The following GTF2A1L variants were observed in gnomAD, a reference collection of about 807,000 sequenced individuals.
The protein encoded by GTF2A1L is TFIIA-alpha and beta-like factor.
GTF2A1L carries 48 observed loss-of-function variants against 49.7 expected under a neutral mutation model. That is an observed-to-expected ratio of 0.97 (90% CI 0.77 to 1.23). The LOEUF is 1.23. Ranked by LOEUF, GTF2A1L falls within the 50% of genes most tolerant of loss-of-function variation. The probability of loss-of-function intolerance (pLI) is 0.00; values close to 1 mark genes in which losing one functional copy is unlikely to be tolerated. For synonymous variants in GTF2A1L, 246 were observed against 193.5 expected (o/e 1.27, Z -2.25); for missense variants, 736 against 564.8 (o/e 1.30, Z -3.07).
Position 48,620,731 on chromosome 2 carries a change from C to T in GTF2A1L, c.22-120C>T, listed in dbSNP as rs193287817. ...CGTGGAAATTGCAGTGAACTGAGTT[C>T]GTGCCACCGCACTCCAGCCTGGGCA... is the stretch of plus-strand genomic sequence containing the variant. On this transcript the variant is annotated intron_variant, in intron 1 of 8. Coordinates refer to ENST00000403751, the MANE Select transcript of GTF2A1L (RefSeq NM_006872.5). 752 of 526,564 alleles carry T rather than the reference C, an allele frequency of 1.4e-3. 3 individuals are homozygous for T. In the South Asian group the frequency reaches 0.019, roughly 14 times the overall value. 32.6% of individuals were successfully genotyped at this position (526,564 alleles called of 1,614,324 possible).
At chr2:48,662,358 A>G (rs547587342) in intron 6 of GTF2A1L, among the ~76,000 whole-genome samples, 1 of 152,304 alleles carries the variant, frequency 6.6e-6, no homozygotes, top group East Asian at 1.9e-4. Context: ...ATAATTTTAC[A>G]TTTTGTGTAG....
At position 48,671,632 on chromosome 2, in the gene GTF2A1L, G is replaced by C; in HGVS notation, c.1281G>C (p.Val427=). 6.2e-7 allele frequency: 1 copy of C among 1,613,636 alleles called. No individual in the cohort carries two copies. The highest frequency in any genetic ancestry group is 1.3e-5 in the African/African-American group (1 of 75,048). The part of the protein sequence containing the change: ...NSGDDVSEQD[V]PDLFDTDNVI... ...GAGATGATGTTAGTGAACAGGATGT[G>C]CCAGACCTGTTTGACACGGATAATG... is the stretch of plus-strand genomic sequence containing the variant. Residue 427 remains valine (V), a synonymous_variant, in exon 8 of 9, where the codon GTG becomes GTC. Transcript: ENST00000403751.
At position 48,679,375 on chromosome 2, in the gene GTF2A1L, A is replaced by T; in HGVS notation, c.1370A>T (p.Asp457Val). ...AACAAATGGAAATTCTATTTGAAAG[A>T]TGGTGTTATGTGTTTTGGAGGGAGA... ...SKNKWKFYLK[D>V]GVMCFGGRDY... Residue 457 changes from aspartate to valine, a missense_variant, in exon 9 of 9, where the codon GAT becomes GTT. Coordinates refer to ENST00000403751, the MANE Select transcript of GTF2A1L (RefSeq NM_006872.5). 6.2e-7 allele frequency: 1 copy of T among 1,611,864 alleles called. No individual in the cohort carries two copies. The highest frequency in any genetic ancestry group is 8.5e-7 in the Non-Finnish European group (1 of 1,178,920).
chr2:48,626,123 A>G (rs551101875), intron 3 of GTF2A1L, among the ~76,000 whole-genome samples: 3 of 144,078 alleles, frequency 2.1e-5, no homozygotes, highest in Non-Finnish European at 4.7e-5. Flanking sequence ...TTTATTGAAG[A>G]AACTATCCTT....
At position 48,669,765 on chromosome 2, in the gene GTF2A1L, A is replaced by G; in HGVS notation, c.1022A>G (p.Asp341Gly). 1.2e-6 allele frequency: 2 copies of G among 1,613,834 alleles called. No individual in the cohort carries two copies. The highest frequency in any genetic ancestry group is 1.7e-6 in the Non-Finnish European group (2 of 1,179,894). The change falls in exon 7 of 9, where the codon GAT becomes GGT. Residue 341 changes from aspartate (D) to glycine (G), a missense_variant. Transcript: ENST00000403751. ...QVDLSIRVTD[D>G]DIGEIIQVDG... Reference sequence around the variant, plus strand: ...GATTTAAGCATTCGGGTTACTGATGATGATATTGGTGAAATAATTCAAGTA... The same window carrying G: ...GATTTAAGCATTCGGGTTACTGATGGTGATATTGGTGAAATAATTCAAGTA...
chr2:48,641,188 T>G (rs1677178731), intron 3 of GTF2A1L, among the ~76,000 whole-genome samples: 1 of 152,208 alleles, frequency 6.6e-6, no homozygotes, highest in Admixed American at 6.5e-5. Flanking sequence ...GCTTAAGCTT[T>G]GCTCACTTCA....
At chr2:48,678,188 A>G (rs1026922748) in intron 8 of GTF2A1L, among the ~76,000 whole-genome samples, 1 of 151,982 alleles carries the variant, frequency 6.6e-6, no homozygotes, top group East Asian at 1.9e-4. Flanking sequence ...TCTAGAAAAA[A>G]TATAGTCACT....
intron 3 of GTF2A1L, among the ~76,000 whole-genome samples, chr2:48,628,819 G>A (rs1466902500): frequency 6.9e-6 from 1 of 143,896 alleles, no homozygotes; most frequent in Non-Finnish European, 1.6e-5. Flanking sequence ...TGTTTCCTAG[G>A]TTTTCTTCTA....
At chr2:48,621,006 A>G (rs1273857170) in intron 2 of GTF2A1L, 54 bp downstream of exon 2, 16 of 1,564,146 alleles carry the variant, frequency 1.0e-5, no homozygotes, top group Admixed American at 3.7e-5. Flanking sequence ...TTTTCAGCAT[A>G]CAAAACTGAT....
At chr2:48,628,029 A>T (rs1572700446) in intron 3 of GTF2A1L, among the ~76,000 whole-genome samples, 1 of 144,196 alleles carries the variant, frequency 6.9e-6, no homozygotes, top group East Asian at 1.9e-4. Context: ...CTCCAGCAGC[A>T]TTCGTGTTGC....
chr2:48,622,644 A>C (rs977483019), intron 3 of GTF2A1L, among the ~76,000 whole-genome samples: 1 of 152,114 alleles, frequency 6.6e-6, no homozygotes, highest in African/African-American at 2.4e-5. Flanking sequence ...AACATGGCGA[A>C]ACCCTGTCTC....
chr2:48,639,445 G>A (rs1253489756), intron 3 of GTF2A1L, among the ~76,000 whole-genome samples: 1 of 152,128 alleles, frequency 6.6e-6, no homozygotes, highest in African/African-American at 2.4e-5. Context: ...GTAAGCAATG[G>A]TGAAAGCACT....
At chr2:48,644,732 G>C (rs1007734366) in intron 4 of GTF2A1L, among the ~76,000 whole-genome samples, 3 of 152,138 alleles carry the variant, frequency 2.0e-5, no homozygotes, top group African/African-American at 7.2e-5. Context: ...TTGCAGGTCT[G>C]AGAACCAATG....
intron 3 of GTF2A1L, among the ~76,000 whole-genome samples, chr2:48,634,853 C>T (rs1676796200): frequency 6.6e-6 from 1 of 152,226 alleles, no homozygotes; most frequent in Non-Finnish European, 1.5e-5. Flanking sequence ...TGACCTTTGA[C>T]AGTCTGGGAG....
At chr2:48,670,474 G>C (rs540127885) in intron 7 of GTF2A1L, among the ~76,000 whole-genome samples, 22 of 152,264 alleles carry the variant, frequency 1.4e-4, no homozygotes, top group Admixed American at 1.4e-3. Context: ...ATGGGCTTCT[G>C]TATTGGTCTT....
chr2:48,670,873 G>C (rs951352553), intron 7 of GTF2A1L, among the ~76,000 whole-genome samples: 2 of 152,090 alleles, frequency 1.3e-5, no homozygotes, highest in Non-Finnish European at 2.9e-5. Flanking sequence ...GCCCAGGCTG[G>C]AGTGCAGTGG....
chr2:48,646,617 G>GA lies in GTF2A1L; in HGVS notation c.558dup (p.Ser187IlefsTer5). The stretch of plus-strand genomic sequence containing the variant: ...TCCATGGTCTCTTCAAGCAACTACT[G>GA]AAAAATCACAGAGAATTGAAACCGT... On this transcript the variant is annotated frameshift_variant, in exon 6 of 9. Coordinates refer to ENST00000403751, the MANE Select transcript of GTF2A1L (RefSeq NM_006872.5). LOFTEE classifies it high-confidence loss of function. The GA allele has an allele frequency of 1.9e-6, 3 of 1,614,012 alleles. No homozygotes were observed. The Admixed American group carries it at 5.0e-5, about 27-fold the overall frequency.
chr2:48,623,550 G>T (rs547193712), intron 3 of GTF2A1L, among the ~76,000 whole-genome samples: 7 of 152,186 alleles, frequency 4.6e-5, no homozygotes, highest in South Asian at 2.1e-4. Context: ...CAACTCATCA[G>T]TTCTATTACT....
In GTF2A1L at chr2:48,621,231, C is replaced by G; in HGVS notation, c.188C>G (p.Ser63Ter). Reference protein sequence around the residue: ...TEDFFRNSIQSPLFTLQLPHS... With the variant: ...TEDFFRNSIQ ...GACTTCTTCAGAAATAGCATCCAAT[C>G]ACCTCTGTTTACTCTTCAGTTGCCG... The change falls in exon 3 of 9, where the codon TCA becomes TGA. Residue 63 changes from serine (S) to a stop codon, truncating the protein, a stop_gained. Transcript: ENST00000403751. LOFTEE classifies it high-confidence loss of function. 6.2e-7 allele frequency: 1 copy of G among 1,614,108 alleles called. No individual in the cohort carries two copies. The highest frequency in any genetic ancestry group is 8.5e-7 in the Non-Finnish European group (1 of 1,180,004).
Sources: gnomAD v4.1 joint callset for allele counts (sites outside exome capture counted in the v4.1 genomes callset) on GRCh38, gnomAD v4.1.1 for gene constraint, MANE v1.5 for transcripts, NCBI Gene and HGNC (gene_info 2026-07-23, HGNC 2026-07-21) for gene names.